AHNAK2: variants seen among roughly 807,000 people sequenced by gnomAD.
AHNAK2 encodes protein AHNAK2.
Under a neutral mutation model 30.7 loss-of-function variants are expected in AHNAK2, and 18 were observed. The ratio of observed to expected loss-of-function variants is 0.59; its 90% CI spans 0.41 to 0.87. The LOEUF is 0.87. Among genes scored for constraint, AHNAK2 ranks in the 40% least tolerant of loss-of-function variants. The pLI, the probability that AHNAK2 is intolerant of heterozygous loss-of-function variation, is 0.00. For missense variants in AHNAK2, 8,604 were observed against 7,373.0 expected, an observed-to-expected ratio of 1.17 and a Z score of -6.11; for synonymous variants, 3,590 against 3,073.8, an observed-to-expected ratio of 1.17 and a Z score of -5.56.
intron 1 of AHNAK2, among the ~76,000 whole-genome samples, chr14:104,964,448 A>T (rs547165268): frequency 6.6e-6 from 1 of 152,286 alleles, no homozygotes; most frequent in African/African-American, 2.4e-5. Flanking sequence ...GTGGCCCAGC[A>T]ACTCATAGCC....
At position 104,941,763 on chromosome 14, in the gene AHNAK2, C is replaced by A; in HGVS notation, c.13688G>T (p.Gly4563Val). Residue 4563 changes from glycine (G) to valine (V), a missense_variant, in exon 7 of 7, where the codon GGC (glycine) becomes GTC (valine). Gly to Val is a moderately radical substitution (Grantham distance 109). Coordinates refer to ENST00000333244, the MANE Select transcript of AHNAK2 (RefSeq NM_138420.4). ...GGGGCCCTTGACGTCCACCTGGGGG[C>A]CCTTGAGGTCCACTTTGGGCATCTT... The part of the protein sequence containing the change: ...SFKMPKVDLK[G>V]PQVDVKGPKL... The A allele has an allele frequency of 3.1e-6, 5 of 1,613,766 alleles. No individual in the cohort carries two copies. Among genetic ancestry groups the A allele is most frequent in the Non-Finnish European group, 4.2e-6 (5 of 1,179,834 alleles).
In AHNAK2 at chr14:104,940,665, A is replaced by T; in HGVS notation, c.14786T>A (p.Leu4929Ter). Residue 4929 changes from leucine to a stop codon, truncating the protein, a stop_gained, in exon 7 of 7, where the codon TTG becomes TAG. Transcript: ENST00000333244. LOFTEE classifies it low-confidence loss of function (END_TRUNC). This position sits in a 1 kb window ranked among gnomAD's most constrained non-coding sequence, Gnocchi z 4.4. ...SQGPEELVAS[L>*]QTSVVAPGEA... is the part of the protein sequence containing the mutation. ...TCCAGGGGCCACTACTGATGTCTGC[A>T]AGGAGGCCACAAGCTCTTCTGGGCC... 1 of 1,613,404 alleles carries T rather than the reference A, an allele frequency of 6.2e-7. No individual in the cohort carries two copies. Among genetic ancestry groups the T allele is most frequent in the Non-Finnish European group, 8.5e-7 (1 of 1,179,860 alleles).
rs760129655 is a variant in AHNAK2 at position 104,953,732 on chromosome 14, C to T, written c.1719G>A (p.Arg573=). The change falls in exon 7 of 7, where the codon AGG becomes AGA. Residue 573 remains arginine, a synonymous_variant. Coordinates refer to ENST00000333244, the MANE Select transcript of AHNAK2 (RefSeq NM_138420.4). ...TRITEEQDKG[R]EDTEGQIRMP... ...TTCTTATCTGTCCTTCTGTGTCTTC[C>T]CTGCCCTTGTCCTGTTCCTCAGTGA... 2.0e-5 allele frequency: 33 copies of T among 1,613,910 alleles called. No homozygotes were observed. Among genetic ancestry groups the T allele is most frequent in the Middle Eastern group, 1.7e-4 (1 of 6,054 alleles).
rs1180286743 is a variant in AHNAK2, at chr14:104,953,497, G to T, written c.1954C>A (p.His652Asn). 1.2e-6 allele frequency: 2 copies of T among 1,613,902 alleles called. No individual in the cohort carries two copies. The highest frequency in any genetic ancestry group is 2.2e-5 in the South Asian group (2 of 91,068). The change falls in exon 7 of 7, where the codon CAC (histidine) becomes AAC (asparagine). Residue 652 changes from histidine (H) to asparagine (N), a missense_variant. Coordinates refer to ENST00000333244, the MANE Select transcript of AHNAK2 (RefSeq NM_138420.4). ...MTNTTKIQLIHDEKRLKKEQI... is the reference protein window; with the variant it reads ...MTNTTKIQLINDEKRLKKEQI... The stretch of plus-strand genomic sequence containing the variant: ...TCCTTTTTTAAGCGTTTTTCATCGT[G>T]TATTAGTTGTATTTTTGTTGTGTTT...
In AHNAK2 at chr14:104,948,922, C is replaced by G. The variant is rs199967385; in HGVS notation, c.6529G>C (p.Asp2177His). 2,150 of 1,590,796 alleles carry G rather than the reference C, an allele frequency of 1.4e-3. 53 individuals are homozygous for G. The East Asian group carries it at 0.017, about 12-fold the overall frequency. Residue 2177 changes from aspartate to histidine, a missense_variant, in exon 7 of 7, where the codon GAT becomes CAT. Asp to His is a moderately conservative substitution (Grantham distance 81, BLOSUM62 -1). Transcript: ENST00000333244. ...APGKSIEASV[D>H]VSPPKVEADM... is the part of the protein sequence containing the mutation. ...GCCTCCACCTTGGGTGGAGACACAT[C>G]CACCGAGGCCTCGATGGACTTGCCT...
chr14:104,949,574 C>A lies in AHNAK2; in HGVS notation c.5877G>T (p.Gln1959His). 6.3e-7 allele frequency: 1 copy of A among 1,588,892 alleles called. No homozygotes were observed. The highest frequency in any genetic ancestry group is 8.6e-7 in the Non-Finnish European group (1 of 1,163,378). The change falls in exon 7 of 7, where the codon CAG becomes CAT. Residue 1959 changes from glutamine (Q) to histidine (H), a missense_variant. Coordinates refer to ENST00000333244, the MANE Select transcript of AHNAK2 (RefSeq NM_138420.4). Reference protein sequence around the residue: ...VSLPSMEVDVQAQKAKLDGAR... With the variant: ...VSLPSMEVDVHAQKAKLDGAR... ...CACCATCCAGCTTAGCCTTCTGGGC[C>A]TGGACATCCACCTCCATGCTGGGCA...
At chr14:104,970,108 C>T (rs1899433527) in intron 1 of AHNAK2, among the ~76,000 whole-genome samples, 1 of 152,162 alleles carries the variant, frequency 6.6e-6, no homozygotes. Flanking sequence ...CCTCCCCCCA[C>T]ACCCAGGCTC....
At position 104,948,760 on chromosome 14, in the gene AHNAK2, C is replaced by G; in HGVS notation, c.6691G>C (p.Gly2231Arg). The G allele has an allele frequency of 6.2e-7, 1 of 1,611,980 alleles. No homozygotes were observed. ...LLEGPVPEEV[G>R]LKGHLPKLQM... ...AGCTTGGGCAGGTGCCCTTTGAGGC[C>G]GACTTCCTCGGGCACAGGGCCCTCC... The change falls in exon 7 of 7, where the codon GGC (glycine) becomes CGC (arginine). Residue 2231 changes from glycine (G) to arginine (R), a missense_variant. By Grantham distance (125) the Gly-to-Arg change is moderately radical. Coordinates refer to ENST00000333244, the MANE Select transcript of AHNAK2 (RefSeq NM_138420.4).
At position 104,948,432 on chromosome 14, in the gene AHNAK2, G is replaced by A; in HGVS notation, c.7019C>T (p.Ser2340Leu). ...VSALGKSIEA[S>L]ADVSALKVEA... ...CACCTTCAACGCAGACACATCCGCT[G>A]AGGCCTCGATGGACTTGCCAAGGGC... The change falls in exon 7 of 7, where the codon TCA becomes TTA. Residue 2340 changes from serine to leucine, a missense_variant. Physicochemically the swap from Ser to Leu is moderately radical, Grantham distance 145 (BLOSUM62 -2). Coordinates refer to ENST00000333244, the MANE Select transcript of AHNAK2 (RefSeq NM_138420.4). 6.2e-7 allele frequency: 1 copy of A among 1,610,028 alleles called. No individual in the cohort carries two copies. The highest frequency in any genetic ancestry group is 8.5e-7 in the Non-Finnish European group (1 of 1,178,212).
At position 104,938,892 on chromosome 14, in the gene AHNAK2, A is replaced by G; in HGVS notation, c.16559T>C (p.Leu5520Ser). ...EIQTPSYGFS[L>S]LKVKIPEPHT... Reference sequence around the variant, plus strand: ...GGGCTCTGGGATTTTCACTTTTAATAAGGAAAATCCGTACGAAGGTGTTTG... The same window carrying G: ...GGGCTCTGGGATTTTCACTTTTAATGAGGAAAATCCGTACGAAGGTGTTTG... The change falls in exon 7 of 7, where the codon TTA becomes TCA. Residue 5520 changes from leucine (L) to serine (S), a missense_variant. Coordinates refer to ENST00000333244, the MANE Select transcript of AHNAK2 (RefSeq NM_138420.4). The G allele has an allele frequency of 6.2e-7, 1 of 1,613,760 alleles. No individual in the cohort carries two copies. The highest frequency in any genetic ancestry group is 8.5e-7 in the Non-Finnish European group (1 of 1,179,870).
chr14:104,949,022 G>A lies in AHNAK2; in HGVS notation c.6429C>T (p.Asn2143=). The part of the protein sequence containing the change: ...AHLQGDLTLA[N]KDLTTKDSKF... ...TGCTGTCTTTGGTAGTCAGGTCCTTGTTGGCCAGGGTCAGGTCCCCCTGCA... is the reference window on the plus strand; with the variant it reads ...TGCTGTCTTTGGTAGTCAGGTCCTTATTGGCCAGGGTCAGGTCCCCCTGCA... Residue 2143 remains asparagine (N), a synonymous_variant, in exon 7 of 7, where the codon AAC becomes AAT. Coordinates refer to ENST00000333244, the MANE Select transcript of AHNAK2 (RefSeq NM_138420.4). 1 of 1,095,996 alleles carries A rather than the reference G, an allele frequency of 9.1e-7. No homozygotes were observed. Among genetic ancestry groups the A allele is most frequent in the South Asian group, 1.5e-5 (1 of 68,118 alleles). 67.9% of individuals were successfully genotyped at this position (1,095,996 alleles called of 1,614,324 possible).
Position 104,952,616 on chromosome 14 carries a change from C to A in AHNAK2, c.2835G>T (p.Leu945=). Residue 945 remains leucine, a synonymous_variant, in exon 7 of 7, where the codon CTG becomes CTT. Coordinates refer to ENST00000333244, the MANE Select transcript of AHNAK2 (RefSeq NM_138420.4). ...CTGTCACTTCCGCCTTGGGGCCTTT[C>A]AGGTCCAGCTTGGGGCCCTTAACAT... is the stretch of plus-strand genomic sequence containing the variant. ...QIDVKGPKLD[L]KGPKAEVTAP... 1 of 1,612,582 alleles carries A rather than the reference C, an allele frequency of 6.2e-7. No homozygotes were observed. Among genetic ancestry groups the A allele is most frequent in the Non-Finnish European group, 8.5e-7 (1 of 1,179,644 alleles).
Position 104,975,190 on chromosome 14 carries a change from G to A in AHNAK2, c.55+2993C>T, listed in dbSNP as rs544683752. ...GTGGGCACTCAGCTTCCTGGGCATG[G>A]AGAAGGCCGGGAGGGAGCGGGCTCC... On this transcript the variant is annotated intron_variant, in intron 1 of 6. Transcript: ENST00000333244. Among the ~76,000 whole-genome samples, 5 of 152,364 alleles carry A rather than the reference G, an allele frequency of 3.3e-5. No individual in the cohort carries two copies. In the East Asian group the frequency reaches 9.6e-4, roughly 29 times the overall value.
Position 104,947,719 on chromosome 14 carries a change from C to A in AHNAK2, c.7732G>T (p.Glu2578Ter), listed in dbSNP as rs553770648. The change falls in exon 7 of 7, where the codon GAA becomes TAA. Residue 2578 changes from glutamate (E) to a stop codon, truncating the protein, a stop_gained. Transcript: ENST00000333244. LOFTEE classifies it low-confidence loss of function (END_TRUNC). ...KVQMPSFKMP[E>*]MDLKGPQLDV... Reference sequence around the variant, plus strand: ...AGCTGGGGGCCCTTGAGGTCCATTTCAGGCATCTTGAAACTGGGCATCTGC... The same window carrying A: ...AGCTGGGGGCCCTTGAGGTCCATTTAAGGCATCTTGAAACTGGGCATCTGC... 6.2e-7 allele frequency: 1 copy of A among 1,610,056 alleles called. No homozygotes were observed. Among genetic ancestry groups the A allele is most frequent in the East Asian group, 2.2e-5 (1 of 44,564 alleles).
intron 1 of AHNAK2, among the ~76,000 whole-genome samples, chr14:104,965,325 C>T (rs1421357715): frequency 2.0e-5 from 3 of 148,524 alleles, no homozygotes; most frequent in African/African-American, 7.5e-5. Flanking sequence ...CACTTGAACC[C>T]AGAAGGCAGA....
In AHNAK2 at chr14:104,951,428, A is replaced by T. The variant is rs2894636; in HGVS notation, c.4023T>A (p.Ser1341=). ...PKFKMPSFGV[S]APGKSIEASV... ...AGGCCTCAATGGACTTGCCTGGGGC[A>T]GACACCCCGAACGACGGCATCTTGA... The change falls in exon 7 of 7, where the codon TCT becomes TCA. Residue 1341 remains serine, a synonymous_variant. Coordinates refer to ENST00000333244, the MANE Select transcript of AHNAK2 (RefSeq NM_138420.4). 28 of 1,228,752 alleles carry T rather than the reference A, an allele frequency of 2.3e-5. 4 individuals are homozygous for T. The highest frequency in any genetic ancestry group is 2.6e-4 in the Middle Eastern group (1 of 3,904). 76.1% of individuals were successfully genotyped at this position (1,228,752 alleles called of 1,614,324 possible).
Position 104,950,805 on chromosome 14 carries a change from T to C in AHNAK2, c.4646A>G (p.Asp1549Gly), listed in dbSNP as rs745811499. ...TDLSIQPPSA[D>G]LEVQAGQVDV... ...CACTTGGCCAGCCTGGACCTCCAGG[T>C]CAGCAGAAGGGGGCTGTATGCTCAG... is the stretch of plus-strand genomic sequence containing the variant. Residue 1549 changes from aspartate to glycine, a missense_variant, in exon 7 of 7, where the codon GAC becomes GGC. Physicochemically the swap from Asp to Gly is moderately conservative, Grantham distance 94. Transcript: ENST00000333244. The C allele has an allele frequency of 3.6e-5, 57 of 1,586,070 alleles. 8 individuals carry two copies. The highest frequency in any genetic ancestry group is 3.2e-4 in the South Asian group (29 of 89,670).
intron 1 of AHNAK2, among the ~76,000 whole-genome samples, chr14:104,959,363 G>A (rs891011395): frequency 7.2e-5 from 11 of 152,198 alleles, no homozygotes; most frequent in Non-Finnish European, 1.6e-4. Context: ...AGGAGAGACG[G>A]GTTTCACCAT....
chr14:104,972,403 A>G (rs1169581331), intron 1 of AHNAK2, among the ~76,000 whole-genome samples: 3 of 152,142 alleles, frequency 2.0e-5, no homozygotes, highest in Non-Finnish European at 1.5e-5. Flanking sequence ...GGGCTGGCTG[A>G]GTCAGCGCCG....
Sources: allele counts gnomAD v4.1 joint callset (sites outside exome capture counted in the v4.1 genomes callset), GRCh38; gene constraint gnomAD v4.1.1; non-coding constraint Gnocchi (gnomAD v3.1); transcripts MANE v1.5; gene names NCBI Gene and HGNC (gene_info 2026-07-23, HGNC 2026-07-21).